The following RGS14 variants were observed in gnomAD, a reference collection of about 807,000 sequenced individuals.
The protein encoded by RGS14 is regulator of G-protein signaling 14.
RGS14 carries 33 observed loss-of-function variants against 63.8 expected under a neutral mutation model. That is an observed-to-expected ratio of 0.52 (90% CI 0.39 to 0.69). The LOEUF is 0.69. Ranked by LOEUF, RGS14 falls within the 30% of genes least tolerant of loss-of-function variation. The pLI is 0.00. For synonymous variants in RGS14, 296 were observed against 320.9 expected, an observed-to-expected ratio of 0.92 and a Z score of 0.83; for missense variants, 739 against 742.9, an observed-to-expected ratio of 0.99 and a Z score of 0.06.
Position 177,370,929 on chromosome 5 carries a change from C to T in RGS14, c.1152C>T (p.Arg384=), listed in dbSNP as rs757877107. The stretch of plus-strand genomic sequence containing the variant: ...GGCTGGAGCTGACGGCGCTGGAGCG[C>T]GTGGTACGAATCTCAGCCAAGCCCA... The part of the protein sequence containing the change: ...TFELELTALE[R]VVRISAKPTK... The change falls in exon 11 of 15, where the codon CGC becomes CGT. Residue 384 remains arginine (R), a synonymous_variant. Coordinates refer to ENST00000408923, the MANE Select transcript of RGS14 (RefSeq NM_006480.5). 11 of 1,607,000 alleles carry T rather than the reference C, an allele frequency of 6.8e-6. No individual in the cohort carries two copies. The East Asian group carries it at 8.9e-5, about 13-fold the overall frequency.
At chr5:177,365,842 C>A in intron 1 of RGS14, 121 bp from the exon 2 acceptor site, 2 of 997,696 alleles carry the variant, frequency 2.0e-6, no homozygotes, top group Non-Finnish European at 3.2e-6. Flanking sequence ...CCAAGTAGAA[C>A]CTGGCCGGGG....
Position 177,371,685 on chromosome 5 carries a change from G to T in RGS14, c.1498+96G>T. Reference sequence around the variant, plus strand: ...AGAGAGCCTTGAGCTAAGGCAGGGGGCTGGGTGCCACTGGGCGTGGAACAG... The same window carrying T: ...AGAGAGCCTTGAGCTAAGGCAGGGGTCTGGGTGCCACTGGGCGTGGAACAG... On this transcript the variant is annotated intron_variant, in intron 14 of 14. Transcript: ENST00000408923. This position sits in a 1 kb window ranked among gnomAD's most constrained non-coding sequence, Gnocchi z 6.1. 2 of 1,341,224 alleles carry T rather than the reference G, an allele frequency of 1.5e-6. No homozygotes were observed. The highest frequency in any genetic ancestry group is 2.1e-6 in the Non-Finnish European group (2 of 947,766). 83.1% of individuals were successfully genotyped at this position (1,341,224 alleles called of 1,614,324 possible).
chr5:177,364,592 T>C lies in RGS14; in HGVS notation c.46-1371T>C, dbSNP rs1184803103. Among the ~76,000 whole-genome samples the C allele has an allele frequency of 6.6e-6, 1 of 152,020 alleles. No homozygotes were observed. The highest frequency in any genetic ancestry group is 1.5e-5 in the Non-Finnish European group (1 of 68,002). On this transcript the variant is annotated intron_variant, in intron 1 of 14. Transcript: ENST00000408923. This position sits in a 1 kb window ranked among gnomAD's most constrained non-coding sequence, Gnocchi z 4.6. Reference sequence around the variant, plus strand: ...GCTGGAGCCGTTACCAGGAAGTTGGTTATGTGTGTCTGGAGCTGTGGATCT... The same window carrying C: ...GCTGGAGCCGTTACCAGGAAGTTGGCTATGTGTGTCTGGAGCTGTGGATCT...
At chr5:177,362,652 G>A (rs1041984308) in intron 1 of RGS14, among the ~76,000 whole-genome samples, 1 of 152,162 alleles carries the variant, frequency 6.6e-6, no homozygotes, top group Non-Finnish European at 1.5e-5. Context: ...AGAAAAGTTC[G>A]GTGAAGTGTA....
rs942947593 is a variant in RGS14, at chr5:177,359,071, G to A, written c.45+1002G>A. Reference sequence around the variant, plus strand: ...GCATATGAGGCCTTTGACCCATTGTGGGGGCTGCATAATTGTCAGCCCAGT... The same window carrying A: ...GCATATGAGGCCTTTGACCCATTGTAGGGGCTGCATAATTGTCAGCCCAGT... On this transcript the variant is annotated intron_variant, in intron 1 of 14. Transcript: ENST00000408923. This position sits in a 1 kb window ranked among gnomAD's most constrained non-coding sequence, Gnocchi z 4.4. Among the ~76,000 whole-genome samples the A allele has an allele frequency of 2.6e-5, 4 of 152,184 alleles. No homozygotes were observed. Among genetic ancestry groups the A allele is most frequent in the Admixed American group, 6.5e-5 (1 of 15,280 alleles).
Position 177,372,416 on chromosome 5 carries a change from A to T in RGS14, c.*341A>T. 1 of 265,292 alleles carries T rather than the reference A, an allele frequency of 3.8e-6. No individual in the cohort carries two copies. The highest frequency in any genetic ancestry group is 7.2e-6 in the Non-Finnish European group (1 of 138,526). The allele number at this position is 265,292 out of a possible 1,614,324, so 16.4% of individuals were successfully genotyped here. On this transcript the variant is annotated 3_prime_UTR_variant, in exon 15 of 15. Transcript: ENST00000408923. ...TGTGCCAAGCTTCAACAGGGGCAAG[A>T]GGAGGGGCCGGCCCCTCCTCAGGAA...
rs1421667564 is a variant in RGS14, at chr5:177,364,376, GCTGGTTTGGTA to G, written c.46-1583_46-1573del. Among the ~76,000 whole-genome samples, 1 of 152,226 alleles carries G rather than the reference GCTGGTTTGGTA, an allele frequency of 6.6e-6. No individual in the cohort carries two copies. The highest frequency in any genetic ancestry group is 6.5e-5 in the Admixed American group (1 of 15,288). On this transcript the variant is annotated intron_variant, in intron 1 of 14. Transcript: ENST00000408923. This position sits in a 1 kb window ranked among gnomAD's most constrained non-coding sequence, Gnocchi z 4.6. ...TGGGAAGAAAGATGGGGGCAGGGAAGCTGGTTTGGTACTGTGTTTTGGTGGAGGCAGAGGGA... is the reference window on the plus strand; with the variant it reads ...TGGGAAGAAAGATGGGGGCAGGGAAGCTGTGTTTTGGTGGAGGCAGAGGGA...
Position 177,359,256 on chromosome 5 carries a change from G to A in RGS14, c.45+1187G>A, listed in dbSNP as rs1314690877. Reference sequence around the variant, plus strand: ...CCAGCCCCGGGCTGGCCGGCTGGGAGAGAGGCCACCCTTCAAAGCCAGCTC... The same window carrying A: ...CCAGCCCCGGGCTGGCCGGCTGGGAAAGAGGCCACCCTTCAAAGCCAGCTC... On this transcript the variant is annotated intron_variant, in intron 1 of 14. Transcript: ENST00000408923. This position sits in a 1 kb window ranked among gnomAD's most constrained non-coding sequence, Gnocchi z 4.4. 6.6e-6 allele frequency among the ~76,000 whole-genome samples: 1 copy of A among 152,064 alleles called. No homozygotes were observed. Among genetic ancestry groups the A allele is most frequent in the Admixed American group, 6.5e-5 (1 of 15,272 alleles).
At chr5:177,368,290 A>G in intron 8 of RGS14, 24 bp downstream of exon 8, 1 of 1,598,564 alleles carries the variant, frequency 6.3e-7, no homozygotes, top group Non-Finnish European at 8.5e-7. Context: ...TGGGGAAGAC[A>G]AGATGCTCTA....
rs867654120 is a variant in RGS14 at position 177,371,069 on chromosome 5, C to A, written c.1254+38C>A. 2 of 591,016 alleles carry A rather than the reference C, an allele frequency of 3.4e-6. No individual in the cohort carries two copies. Among genetic ancestry groups the A allele is most frequent in the Non-Finnish European group, 4.1e-6 (2 of 487,112 alleles). 36.6% of individuals were successfully genotyped at this position (591,016 alleles called of 1,614,324 possible). A position where few individuals can be genotyped will look rare whatever the true frequency, so the allele number is the denominator to read the frequency against. On this transcript the variant is annotated intron_variant, in intron 11 of 14. Coordinates refer to ENST00000408923, the MANE Select transcript of RGS14 (RefSeq NM_006480.5). The surrounding 1 kb of genome is among the most constrained non-coding windows in gnomAD (Gnocchi z 6.1). Reference sequence around the variant, plus strand: ...GCCGCGGGGCGGGGCGGGGCGGGGCCGGGCCGGGGCCGGGGCCGGGGCCGG... The same window carrying A: ...GCCGCGGGGCGGGGCGGGGCGGGGCAGGGCCGGGGCCGGGGCCGGGGCCGG...
At position 177,370,677 on chromosome 5, in the gene RGS14, C is replaced by G. The variant is rs756713447; in HGVS notation, c.1127+13C>G. The G allele has an allele frequency of 6.2e-7, 1 of 1,613,024 alleles. No individual in the cohort carries two copies. Among genetic ancestry groups the G allele is most frequent in the African/African-American group, 1.3e-5 (1 of 74,906 alleles). On this transcript the variant is annotated intron_variant, in intron 10 of 14. Transcript: ENST00000408923. Reference sequence around the variant, plus strand: ...GGATCACCTTCGAGTGAGTGTCCTGCCCCCAAGTCTGGGTCCCAGGTCCTG... The same window carrying G: ...GGATCACCTTCGAGTGAGTGTCCTGGCCCCAAGTCTGGGTCCCAGGTCCTG...
At chr5:177,362,993 G>T (rs1050730165) in intron 1 of RGS14, among the ~76,000 whole-genome samples, 1 of 152,190 alleles carries the variant, frequency 6.6e-6, no homozygotes, top group African/African-American at 2.4e-5. Flanking sequence ...GGAGGGCAGG[G>T]CCAAGCAGCC....
Position 177,364,161 on chromosome 5 carries a change from G to A in RGS14, c.46-1802G>A, listed in dbSNP as rs1331841005. On this transcript the variant is annotated intron_variant, in intron 1 of 14. Transcript: ENST00000408923. This position sits in a 1 kb window ranked among gnomAD's most constrained non-coding sequence, Gnocchi z 4.6. ...GTGGGAGTAGGAAACAGAGAGGAAG[G>A]TTCCATTCAGGAGGGTGGGGGTTGG... 1.3e-5 allele frequency among the ~76,000 whole-genome samples: 2 copies of A among 151,740 alleles called. No homozygotes were observed. Among genetic ancestry groups the A allele is most frequent in the African/African-American group, 4.8e-5 (2 of 41,260 alleles).
rs200038905 is a variant in RGS14 at position 177,371,916 on chromosome 5, C to A, written c.1542C>A (p.His514Gln). The change falls in exon 15 of 15, where the codon CAC becomes CAA. Residue 514 changes from histidine (H) to glutamine (Q), a missense_variant. Coordinates refer to ENST00000408923, the MANE Select transcript of RGS14 (RefSeq NM_006480.5). The surrounding 1 kb of genome is among the most constrained non-coding windows in gnomAD (Gnocchi z 6.1). ...LLNRVQSSGA[H>Q]DQRGLLRKED... ...ACCGGGTGCAGAGCAGCGGGGCCCACGACCAGAGGGGCCTTCTGAGGAAAG... is the reference window on the plus strand; with the variant it reads ...ACCGGGTGCAGAGCAGCGGGGCCCAAGACCAGAGGGGCCTTCTGAGGAAAG... 1.3e-5 allele frequency: 21 copies of A among 1,613,876 alleles called. No individual in the cohort carries two copies. The highest frequency in any genetic ancestry group is 3.3e-5 in the Admixed American group (2 of 59,998).
rs145163130 is a variant in RGS14 at position 177,372,516 on chromosome 5, C to T, written c.*441C>T. 8.5e-3 allele frequency: 1,377 copies of T among 162,546 alleles called. 12 individuals are homozygous for T. The highest frequency in any genetic ancestry group is 0.014 in the Non-Finnish European group (1,054 of 74,990). The allele number at this position is 162,546 out of a possible 1,614,324, so 10.1% of individuals were successfully genotyped here. On this transcript the variant is annotated 3_prime_UTR_variant, in exon 15 of 15. Transcript: ENST00000408923. ...ACCCACATAGACTATACTGTACATA[C>T]AGATTTTGCAGTAGGCTTGGGGCAG...
chr5:177,363,276 A>G (rs1762012311), intron 1 of RGS14, among the ~76,000 whole-genome samples: 1 of 146,484 alleles, frequency 6.8e-6, no homozygotes, highest in African/African-American at 2.5e-5. Context: ...CTCTGCGGGG[A>G]GGACAGAGCG....
Position 177,366,704 on chromosome 5 carries a change from C to G in RGS14, c.247-4C>G, listed in dbSNP as rs1340013470. ...TGCCTGCCTCCCCCTCCTTCCCCTC[C>G]CAGGAGTTCCTGAAGAAGGAGTTCA... On this transcript the variant is annotated splice_polypyrimidine_tract_variant and splice_region_variant and intron_variant, in intron 3 of 14. Transcript: ENST00000408923. 1 of 1,613,926 alleles carries G rather than the reference C, an allele frequency of 6.2e-7. No homozygotes were observed. Among genetic ancestry groups the G allele is most frequent in the Non-Finnish European group, 8.5e-7 (1 of 1,179,906 alleles).
At position 177,371,090 on chromosome 5, in the gene RGS14, GC is replaced by G. The variant is rs1561618843; in HGVS notation, c.1254+61del. 210 of 734,610 alleles carry G rather than the reference GC, an allele frequency of 2.9e-4. 8 individuals are homozygous for G. In the African/African-American group the frequency reaches 5.2e-3, roughly 18 times the overall value. 45.5% of individuals were successfully genotyped at this position (734,610 alleles called of 1,614,324 possible). On this transcript the variant is annotated intron_variant, in intron 11 of 14. Transcript: ENST00000408923. The surrounding 1 kb of genome is among the most constrained non-coding windows in gnomAD (Gnocchi z 6.1). ...GGGCCGGGCCGGGGCCGGGGCCGGG[GC>G]CGGGGCCGGGGCCGGGGCCGGGGCC...
chr5:177,359,952 T>C lies in RGS14; in HGVS notation c.45+1883T>C, dbSNP rs559378082. ...GCGTCAGCATCTGAACCCCCAGAACTGCCTGGCCCCAGTCCTCCCCTACCT... is the reference window on the plus strand; with the variant it reads ...GCGTCAGCATCTGAACCCCCAGAACCGCCTGGCCCCAGTCCTCCCCTACCT... On this transcript the variant is annotated intron_variant, in intron 1 of 14. Coordinates refer to ENST00000408923, the MANE Select transcript of RGS14 (RefSeq NM_006480.5). This position sits in a 1 kb window ranked among gnomAD's most constrained non-coding sequence, Gnocchi z 4.4. 6.6e-6 allele frequency among the ~76,000 whole-genome samples: 1 copy of C among 152,170 alleles called. No homozygotes were observed. The highest frequency in any genetic ancestry group is 2.4e-5 in the African/African-American group (1 of 41,432).
Sources: gnomAD v4.1 joint callset for allele counts (sites outside exome capture counted in the v4.1 genomes callset) on GRCh38, gnomAD v4.1.1 for gene constraint, Gnocchi (gnomAD v3.1) non-coding constraint, MANE v1.5 for transcripts, NCBI Gene and HGNC (gene_info 2026-07-23, HGNC 2026-07-21) for gene names.